Variants in UNC13C observed in about 807,000 individuals in gnomAD.
The protein encoded by UNC13C is protein unc-13 homolog C.
UNC13C carries 174 observed loss-of-function variants against 245.4 expected under a neutral mutation model. The ratio of observed to expected loss-of-function variants is 0.71; its 90% CI spans 0.63 to 0.80. The LOEUF (loss-of-function observed/expected upper bound fraction) is 0.80. UNC13C is among the 30% of genes least tolerant of loss of function. The probability of loss-of-function intolerance (pLI) is 0.00; values close to 1 mark genes in which losing one functional copy is unlikely to be tolerated. For missense variants in UNC13C, 2,829 were observed against 2,602.9 expected, an observed-to-expected ratio of 1.09 and a Z score of -1.89; for synonymous variants, 992 against 895.1, an observed-to-expected ratio of 1.11 and a Z score of -1.93.
chr15:54,533,081 C>T lies in UNC13C; in HGVS notation c.5696+15C>T. On this transcript the variant is annotated intron_variant, in intron 26 of 32. Coordinates refer to ENST00000260323, the MANE Select transcript of UNC13C (RefSeq NM_001080534.3). ...TTGGACAAAACGTAAGTTTTTTTGC[C>T]CAGTTTTCTCTTTACTTATTGCCCT... 6.4e-7 allele frequency: 1 copy of T among 1,572,684 alleles called. No individual in the cohort carries two copies. The highest frequency in any genetic ancestry group is 1.2e-5 in the South Asian group (1 of 84,636).
chr15:53,988,396 T>TA (rs1566933732), intron 1 of UNC13C, among the ~76,000 whole-genome samples: 3 of 151,882 alleles, frequency 2.0e-5, no homozygotes, highest in Admixed American at 1.3e-4. Context: ...TTATGGGACA[T>TA]AAAAAAATAA....
intron 13 of UNC13C, among the ~76,000 whole-genome samples, chr15:54,306,744 A>G (rs949865106): frequency 3.3e-5 from 5 of 151,982 alleles, no homozygotes; most frequent in African/African-American, 9.7e-5. Context: ...TGCCTCTACA[A>G]TAGCAAAGGA....
the UNC13C span, among the ~76,000 whole-genome samples, chr15:53,932,608 C>T: frequency 6.6e-6 from 1 of 152,148 alleles, no homozygotes; most frequent in Admixed American, 6.5e-5. Context: ...ACTCCTATCT[C>T]TGTTCATACT....
chr15:54,227,525 GC>G (rs1351088634), intron 4 of UNC13C, among the ~76,000 whole-genome samples: 3 of 152,326 alleles, frequency 2.0e-5, no homozygotes, highest in Non-Finnish European at 4.4e-5. Flanking sequence ...GCTCTTTGGT[GC>G]CTAAATCTTC....
intron 4 of UNC13C, among the ~76,000 whole-genome samples, chr15:54,224,617 A>G (rs1253621713): frequency 1.3e-5 from 2 of 151,844 alleles, no homozygotes; most frequent in Non-Finnish European, 2.9e-5. Context: ...TTTTTTGTTC[A>G]TGTGTCTTTG....
intron 29 of UNC13C, among the ~76,000 whole-genome samples, chr15:54,559,823 C>A (rs1010812768): frequency 6.6e-6 from 1 of 151,886 alleles, no homozygotes; most frequent in Non-Finnish European, 1.5e-5. Flanking sequence ...TTTAAATAGT[C>A]TAGTGTAGAA....
At chr15:54,134,410 AAAT>A (rs199671639) in intron 2 of UNC13C, among the ~76,000 whole-genome samples, 1,486 of 137,816 alleles carry the variant, frequency 0.011, 54 homozygotes, top group East Asian at 0.092. Context: ...TTTAATGGCT[AAAT>A]AATCATCTGT....
intron 2 of UNC13C, among the ~76,000 whole-genome samples, chr15:54,021,766 A>G (rs1004423570): frequency 6.6e-6 from 1 of 152,208 alleles, no homozygotes; most frequent in East Asian, 1.9e-4. Flanking sequence ...TGTATACATG[A>G]TGGTGGTCCC....
intron 19 of UNC13C, among the ~76,000 whole-genome samples, chr15:54,483,036 A>G (rs569517512): frequency 3.8e-4 from 58 of 152,268 alleles, no homozygotes; most frequent in African/African-American, 1.3e-3. Flanking sequence ...ACATTATCCA[A>G]TTTAAATTTT....
chr15:54,186,836 A>AATATATATATATATATATACATATAT (rs372623344), intron 4 of UNC13C, among the ~76,000 whole-genome samples: 1 of 126,140 alleles, frequency 7.9e-6, no homozygotes, highest in African/African-American at 3.3e-5. Flanking sequence ...CAAAGAACAT[A>AATATATATATATATATATACATATAT]ATATATATGT....
chr15:53,909,100 C>A, the UNC13C span, among the ~76,000 whole-genome samples: 9 of 146,178 alleles, frequency 6.2e-5, no homozygotes, highest in African/African-American at 2.0e-4. Context: ...AACTAAGTTT[C>A]CCTCCAAAGG....
the UNC13C span, among the ~76,000 whole-genome samples, chr15:53,922,942 A>G: frequency 6.6e-6 from 1 of 152,186 alleles, no homozygotes; most frequent in Non-Finnish European, 1.5e-5. Flanking sequence ...TAATGGTGAA[A>G]TGCATAAGGT....
chr15:54,419,180 A>G (rs1010037360), intron 19 of UNC13C, among the ~76,000 whole-genome samples: 5 of 152,180 alleles, frequency 3.3e-5, no homozygotes, highest in African/African-American at 1.2e-4. Context: ...TTTCAGTAAA[A>G]GATAATTAAA....
intron 4 of UNC13C, among the ~76,000 whole-genome samples, chr15:54,225,884 C>G (rs1381224907): frequency 6.6e-6 from 1 of 152,110 alleles, no homozygotes; most frequent in Non-Finnish European, 1.5e-5. Flanking sequence ...TGTCTTGTGC[C>G]AGTTTTCAAA....
intron 30 of UNC13C, among the ~76,000 whole-genome samples, chr15:54,568,992 C>T (rs1897634550): frequency 1.3e-5 from 2 of 152,034 alleles, no homozygotes; most frequent in Admixed American, 6.6e-5. Context: ...AGGGAAAAGT[C>T]GAGCTCATGA....
intron 18 of UNC13C, among the ~76,000 whole-genome samples, chr15:54,408,294 CT>C (rs2040349658): frequency 1.4e-5 from 2 of 146,398 alleles, no homozygotes; most frequent in Admixed American, 1.4e-4. Context: ...TTCTAGTACA[CT>C]TTCCTAATCT....
the UNC13C span, among the ~76,000 whole-genome samples, chr15:53,900,249 G>A: frequency 2.6e-5 from 4 of 152,098 alleles, no homozygotes; most frequent in African/African-American, 9.7e-5. Flanking sequence ...TAACAATAAT[G>A]TGTCCCCAGA....
At chr15:53,845,212 C>T in the UNC13C span, among the ~76,000 whole-genome samples, 3 of 151,504 alleles carry the variant, frequency 2.0e-5, no homozygotes, top group Non-Finnish European at 4.4e-5. Flanking sequence ...GTAGTTCCAG[C>T]TACTCAGGAG....
intron 29 of UNC13C, among the ~76,000 whole-genome samples, chr15:54,567,038 A>G (rs1897546153): frequency 6.6e-6 from 1 of 152,104 alleles, no homozygotes; most frequent in Admixed American, 6.6e-5. Flanking sequence ...CCTTAGTTCT[A>G]TCATATATCT....
Sources: allele counts gnomAD v4.1 joint callset (sites outside exome capture counted in the v4.1 genomes callset), GRCh38; gene constraint gnomAD v4.1.1; transcripts MANE v1.5; gene names NCBI Gene and HGNC (gene_info 2026-07-23, HGNC 2026-07-21).